Variants in TNR observed in about 807,000 individuals in gnomAD.
TNR encodes the protein tenascin R, also known as tenascin-R.
A neutral mutation model predicts 150.4 loss-of-function variants in TNR; 45 were observed. That is an observed-to-expected ratio of 0.30 (90% CI 0.24 to 0.38). The LOEUF is 0.38. TNR is among the 10% of genes least tolerant of loss of function. TNR has a pLI of 1.00. For missense variants in TNR, 1,544 were observed against 1,759.1 expected (o/e 0.88, Z 2.19); for synonymous variants, 687 against 678.4 (o/e 1.01, Z -0.20).
At chr1:175,640,415 G>A (rs1340429484) in intron 1 of TNR, among the ~76,000 whole-genome samples, 8 of 152,234 alleles carry the variant, frequency 5.3e-5, no homozygotes, top group African/African-American at 1.9e-4. Flanking sequence ...GTTAAGCCAT[G>A]TACTGGCACC....
chr1:175,493,983 T>C (rs545156269), intron 2 of TNR, among the ~76,000 whole-genome samples: 2 of 152,240 alleles, frequency 1.3e-5, no homozygotes, highest in Admixed American at 1.3e-4. Context: ...GAACGCCCAC[T>C]CTCCCAACCT....
intron 1 of TNR, among the ~76,000 whole-genome samples, chr1:175,535,745 A>C (rs1295719344): frequency 3.3e-5 from 5 of 152,156 alleles, no homozygotes; most frequent in Non-Finnish European, 7.3e-5. Context: ...AATATTTTAA[A>C]ATTTTAGAAA....
intron 2 of TNR, among the ~76,000 whole-genome samples, chr1:175,480,419 AAAAGAAAGAAAG>A (rs200828309): frequency 2.2e-4 from 24 of 111,034 alleles, no homozygotes; most frequent in Non-Finnish European, 4.0e-5. Context: ...AAAGAAAGAA[AAAAGAAAGAAAG>A]AAAGAAAGAA....
At chr1:175,590,171 C>T (rs1382513692) in intron 1 of TNR, among the ~76,000 whole-genome samples, 1 of 151,922 alleles carries the variant, frequency 6.6e-6, no homozygotes, top group African/African-American at 2.4e-5. Flanking sequence ...TTGAGATCCT[C>T]TTATCAAAAA....
chr1:175,363,582 T>C, intron 13 of TNR, 126 bp downstream of exon 13: 1 of 1,310,104 alleles, frequency 7.6e-7, no homozygotes. Context: ...ACTCTCATTC[T>C]GATGCAGCAT....
rs140889691 is a variant in TNR at position 175,634,155 on chromosome 1, G to T, written c.-164-105786C>A. Among the ~76,000 whole-genome samples, 503 of 152,286 alleles carry T rather than the reference G, an allele frequency of 3.3e-3. 4 individuals are homozygous for T. The highest frequency in any genetic ancestry group is 5.0e-3 in the Non-Finnish European group (337 of 68,018). Reference sequence around the variant, plus strand: ...CTTGCTCTGATTTTGAAAAACGTTTGCTGTTTATATCAGTGGCAGGGAGGA... The same window carrying T: ...CTTGCTCTGATTTTGAAAAACGTTTTCTGTTTATATCAGTGGCAGGGAGGA... On this transcript the variant is annotated intron_variant, in intron 1 of 22. Coordinates refer to ENST00000367674, the MANE Select transcript of TNR (RefSeq NM_003285.3).
intron 1 of TNR, among the ~76,000 whole-genome samples, chr1:175,602,114 G>C (rs545854740): frequency 7.6e-6 from 1 of 130,798 alleles, no homozygotes; most frequent in East Asian, 2.6e-4. Context: ...GCTTTAAATT[G>C]ATAATATAAA....
At chr1:175,701,164 T>C (rs1472645359) in intron 1 of TNR, among the ~76,000 whole-genome samples, 1 of 152,220 alleles carries the variant, frequency 6.6e-6, no homozygotes, top group African/African-American at 2.4e-5. Context: ...CACAATCTAT[T>C]GCTTTTTGCC....
intron 1 of TNR, among the ~76,000 whole-genome samples, chr1:175,605,764 T>C (rs1206637225): frequency 1.3e-5 from 2 of 152,212 alleles, no homozygotes; most frequent in East Asian, 3.8e-4. Flanking sequence ...TTTACTGCTC[T>C]AAGGAATTGC....
intron 7 of TNR, among the ~76,000 whole-genome samples, chr1:175,388,389 G>T (rs1195886797): frequency 1.3e-5 from 2 of 152,214 alleles, no homozygotes; most frequent in Non-Finnish European, 2.9e-5. Context: ...TAGCGCAGAG[G>T]GTTTTAGCTG....
At chr1:175,487,424 A>T (rs1437095572) in intron 2 of TNR, among the ~76,000 whole-genome samples, 2 of 152,096 alleles carry the variant, frequency 1.3e-5, no homozygotes, top group African/African-American at 4.8e-5. Context: ...AGGCATACTC[A>T]TTTGATGATC....
chr1:175,703,106 A>G (rs1666744988), intron 1 of TNR, among the ~76,000 whole-genome samples: 1 of 152,154 alleles, frequency 6.6e-6, no homozygotes. Context: ...GTATTCTCTG[A>G]GAGTAGTTTT....
At chr1:175,549,945 A>G (rs1406512842) in intron 1 of TNR, among the ~76,000 whole-genome samples, 1 of 152,200 alleles carries the variant, frequency 6.6e-6, no homozygotes, top group Non-Finnish European at 1.5e-5. Context: ...AAACTGTGAG[A>G]TAGTTAATTT....
intron 1 of TNR, among the ~76,000 whole-genome samples, chr1:175,561,385 T>TCATA (rs1395155311): frequency 6.6e-6 from 1 of 152,212 alleles, no homozygotes; most frequent in Admixed American, 6.5e-5. Flanking sequence ...AGCATAATCA[T>TCATA]CATACATAGA....
At chr1:175,387,377 T>G (rs552927917) in intron 7 of TNR, among the ~76,000 whole-genome samples, 4 of 152,304 alleles carry the variant, frequency 2.6e-5, no homozygotes, top group African/African-American at 9.6e-5. Context: ...GAACTCTGGT[T>G]CTCTAATTAG....
At position 175,657,883 on chromosome 1, in the gene TNR, A is replaced by ATATATATATATGTGTGTG. The variant is rs1464419575; in HGVS notation, c.-165+85342_-165+85343insCACACACATATATATATA. Reference sequence around the variant, plus strand: ...TATATATATATATATATATATATATATGTAACAAACCTGCACGTTGTGCAC... The same window carrying ATATATATATATGTGTGTG: ...TATATATATATATATATATATATATATATATATATATGTGTGTGTGTAACAAACCTGCACGTTGTGCAC... On this transcript the variant is annotated intron_variant, in intron 1 of 22. Coordinates refer to ENST00000367674, the MANE Select transcript of TNR (RefSeq NM_003285.3). Among the ~76,000 whole-genome samples the ATATATATATATGTGTGTG allele has an allele frequency of 1.1e-3, 114 of 101,140 alleles. 4 individuals carry two copies. Among genetic ancestry groups the ATATATATATATGTGTGTG allele is most frequent in the Non-Finnish European group, 2.2e-3 (105 of 48,770 alleles). 66.4% of individuals were successfully genotyped at this position (101,140 alleles called of 152,430 possible).
At chr1:175,470,622 T>A (rs1450782986) in intron 2 of TNR, among the ~76,000 whole-genome samples, 1 of 152,218 alleles carries the variant, frequency 6.6e-6, no homozygotes, top group East Asian at 1.9e-4. Flanking sequence ...GGGGTATCTA[T>A]CCCTTCAAAC....
At chr1:175,501,129 G>A (rs554538957) in intron 2 of TNR, among the ~76,000 whole-genome samples, 1 of 152,280 alleles carries the variant, frequency 6.6e-6, no homozygotes, top group Admixed American at 6.5e-5. Flanking sequence ...CTAATTAGCT[G>A]ACCCGAGTTA....
intron 9 of TNR, among the ~76,000 whole-genome samples, chr1:175,370,289 G>A (rs1268456329): frequency 7.0e-6 from 1 of 143,694 alleles, no homozygotes; most frequent in East Asian, 2.2e-4. Context: ...AGCGGTAGTA[G>A]CTAGTATTTT....
Sources: gnomAD v4.1 joint callset for allele counts (sites outside exome capture counted in the v4.1 genomes callset) on GRCh38, gnomAD v4.1.1 for gene constraint, MANE v1.5 for transcripts, NCBI Gene and HGNC (gene_info 2026-07-23, HGNC 2026-07-21) for gene names.